TNNT1: variants seen among roughly 807,000 people sequenced by gnomAD.
TNNT1 encodes troponin T1, slow skeletal type.
TNNT1 carries 53 observed loss-of-function variants against 50.6 expected under a neutral mutation model. The ratio of observed to expected loss-of-function variants is 1.05; its 90% CI spans 0.84 to 1.32. The LOEUF is 1.32. TNNT1 is among the 40% of genes most tolerant of loss of function. The pLI is 0.00. For missense variants in TNNT1, 348 were observed against 381.7 expected (o/e 0.91, Z 0.74); for synonymous variants, 142 against 138.0 (o/e 1.03, Z -0.20).
At chr19:55,141,997 C>T (rs1489219792) in intron 6 of TNNT1, 77 bp from the exon 7 acceptor site, 2 of 1,486,428 alleles carry the variant, frequency 1.3e-6, no homozygotes, top group South Asian at 2.3e-5. Context: ...ATGTGCCGTC[C>T]AGTGAGGTAG....
At chr19:55,143,732 C>A (rs1302997334) in intron 6 of TNNT1, among the ~76,000 whole-genome samples, 3 of 152,108 alleles carry the variant, frequency 2.0e-5, no homozygotes, top group African/African-American at 7.2e-5. Flanking sequence ...CTTTCCTTTT[C>A]CCTTTTCTCA....
intron 13 of TNNT1, 191 bp downstream of exon 13, chr19:55,133,696 G>T (rs771134413): frequency 4.8e-6 from 3 of 626,990 alleles, no homozygotes; most frequent in Non-Finnish European, 8.3e-6. Context: ...AAAAAAAAAA[G>T]AAAGAAAAAG....
intron 10 of TNNT1, among the ~76,000 whole-genome samples, chr19:55,137,451 G>A (rs1310656602): frequency 1.0e-4 from 14 of 137,184 alleles, no homozygotes; most frequent in African/African-American, 3.4e-4. Flanking sequence ...AGACCCTCTC[G>A]CATTAGGAAC....
intron 4 of TNNT1, 52 bp from the exon 5 acceptor site, chr19:55,146,518 G>A: frequency 2.5e-6 from 3 of 1,183,390 alleles, no homozygotes; most frequent in South Asian, 2.0e-5. Context: ...GGGGGGAGCG[G>A]CCACGCCCGG....
At chr19:55,143,919 G>T (rs1356849622) in intron 6 of TNNT1, among the ~76,000 whole-genome samples, 1 of 152,052 alleles carries the variant, frequency 6.6e-6, no homozygotes, top group Non-Finnish European at 1.5e-5. Context: ...TCTCTGAGAA[G>T]GAGATGGCAG....
intron 6 of TNNT1, among the ~76,000 whole-genome samples, chr19:55,143,040 G>A (rs1366650661): frequency 1.3e-5 from 2 of 151,882 alleles, no homozygotes; most frequent in African/African-American, 4.8e-5. Flanking sequence ...ATGGTGGTAC[G>A]TGCCTGTAAT....
chr19:55,140,054 C>T lies in TNNT1; in HGVS notation c.387+829G>A, dbSNP rs148807782. Reference sequence around the variant, plus strand: ...CAGGGGAATTGCTTGAACCAGGAGGCGGAGGTTGCAGTGAGCTGAGATCGC... The same window carrying T: ...CAGGGGAATTGCTTGAACCAGGAGGTGGAGGTTGCAGTGAGCTGAGATCGC... On this transcript the variant is annotated intron_variant, in intron 9 of 13. Coordinates refer to ENST00000588981, the MANE Select transcript of TNNT1 (RefSeq NM_003283.6). Among the ~76,000 whole-genome samples the T allele has an allele frequency of 9.5e-4, 144 of 150,808 alleles. 1 individual carries two copies. The highest frequency in any genetic ancestry group is 1.7e-3 in the Non-Finnish European group (117 of 67,854).
In TNNT1 at chr19:55,134,046, C is replaced by T; in HGVS notation, c.750+20G>A. The T allele has an allele frequency of 6.2e-7, 1 of 1,612,896 alleles. No individual in the cohort carries two copies. Among genetic ancestry groups the T allele is most frequent in the South Asian group, 1.1e-5 (1 of 90,868 alleles). On this transcript the variant is annotated intron_variant, in intron 12 of 13. Transcript: ENST00000588981. The stretch of plus-strand genomic sequence containing the variant: ...CAGCCCTGCCCTCTCTCCCTCCCTC[C>T]CTGCGGAGCTGGGTCTCACCTCATA...
At chr19:55,135,456 G>A (rs1228716873) in intron 11 of TNNT1, 2 of 299,540 alleles carry the variant, frequency 6.7e-6, no homozygotes, top group Non-Finnish European at 1.3e-5. Flanking sequence ...CCAGGCTGGA[G>A]TGCAGTGACA....
At chr19:55,135,716 G>A (rs893205967) in intron 11 of TNNT1, among the ~76,000 whole-genome samples, 3 of 151,972 alleles carry the variant, frequency 2.0e-5, no homozygotes, top group East Asian at 1.9e-4. Flanking sequence ...TAGTAGAGAT[G>A]GGATTTCATC....
intron 5 of TNNT1, 94 bp downstream of exon 5, chr19:55,146,340 G>A (rs1353917547): frequency 1.2e-6 from 1 of 866,196 alleles, no homozygotes; most frequent in Non-Finnish European, 1.6e-6. Context: ...GGCGGAGGGA[G>A]GGAAGGGTGG....
intron 3 of TNNT1, 71 bp from the exon 4 acceptor site, chr19:55,146,778 G>T: frequency 7.6e-7 from 1 of 1,308,100 alleles, no homozygotes; most frequent in Non-Finnish European, 1.0e-6. Flanking sequence ...CCAGAGACCA[G>T]GGTTCCAGTC....
Position 55,137,130 on chromosome 19 carries a change from A to G in TNNT1, c.584T>C (p.Ile195Thr), listed in dbSNP as rs781607369. The G allele has an allele frequency of 1.9e-6, 3 of 1,611,754 alleles. No homozygotes were observed. The South Asian group carries it at 3.3e-5, about 18-fold the overall frequency. Residue 195 changes from isoleucine to threonine, a missense_variant, in exon 11 of 14, where the codon ATT becomes ACT. By Grantham distance (89) the Ile-to-Thr change is moderately conservative (BLOSUM62 -1). Around this residue, in one of 3 missense-constraint regions of TNNT1, gnomAD observed 253 missense variants for 291.8 expected, o/e 0.87. Transcript: ENST00000588981. ...GAGCTGTTCCTCCCCCATGTAGTCAATGTCCAGAGGCTTCTTACGCTCGGA... is the reference window on the plus strand; with the variant it reads ...GAGCTGTTCCTCCCCCATGTAGTCAGTGTCCAGAGGCTTCTTACGCTCGGA... The part of the protein sequence containing the change: ...ILSERKKPLD[I>T]DYMGEEQLRA...
intron 11 of TNNT1, 68 bp downstream of exon 11, chr19:55,137,035 G>A: frequency 9.8e-7 from 1 of 1,022,440 alleles, no homozygotes. Context: ...CCAGATCTGG[G>A]TGTGAGCTCC....
In TNNT1 at chr19:55,141,914, G is replaced by C. The variant is rs747556919; in HGVS notation, c.135C>G (p.Pro45=). The C allele has an allele frequency of 7.4e-6, 12 of 1,613,964 alleles. 1 individual carries two copies. The highest frequency in any genetic ancestry group is 5.5e-5 in the South Asian group (5 of 91,072). ...TTGGCGGGATCAAAGGAGGCACCACGGGGCGGCTGAGTGGACAGAAACACA... is the reference window on the plus strand; with the variant it reads ...TTGGCGGGATCAAAGGAGGCACCACCGGGCGGCTGAGTGGACAGAAACACA... ...PEEERPKPSR[P]VVPPLIPPKI... Residue 45 remains proline, a synonymous_variant, in exon 7 of 14, where the codon CCC becomes CCG. Transcript: ENST00000588981.
intron 9 of TNNT1, 140 bp from the exon 10 acceptor site, chr19:55,138,214 C>T: frequency 2.1e-6 from 3 of 1,457,166 alleles, no homozygotes; most frequent in Non-Finnish European, 2.8e-6. Context: ...AGCAGAAACG[C>T]AGGGGTACCC....
chr19:55,137,906 C>A, intron 10 of TNNT1, 55 bp downstream of exon 10: 1 of 1,606,120 alleles, frequency 6.2e-7, no homozygotes, highest in Non-Finnish European at 8.5e-7. Context: ...GAGGTCTGGC[C>A]CCCAGCCCCT....
At position 55,136,999 on chromosome 19, in the gene TNNT1, A is replaced by C. The variant is rs1041088770; in HGVS notation, c.611+104T>G. On this transcript the variant is annotated intron_variant, in intron 11 of 13. Coordinates refer to ENST00000588981, the MANE Select transcript of TNNT1 (RefSeq NM_003283.6). ...CTTGCCCAAAGTCACATAGCACTGG[A>C]GCTGAGACCCGGAGTATCTGCCCAC... 1.5e-5 allele frequency: 11 copies of C among 721,678 alleles called. No homozygotes were observed. The Admixed American group carries it at 1.7e-4, about 11-fold the overall frequency. 44.7% of individuals were successfully genotyped at this position (721,678 alleles called of 1,614,324 possible). A position where few individuals can be genotyped will look rare whatever the true frequency, so the allele number is the denominator to read the frequency against.
intron 1 of TNNT1, among the ~76,000 whole-genome samples, chr19:55,147,556 GCT>G (rs2085593482): frequency 6.8e-6 from 1 of 147,382 alleles, no homozygotes; most frequent in Non-Finnish European, 1.5e-5. Flanking sequence ...GGGAGGAGGG[GCT>G]GGGGGCCGGA....
Sources: allele counts gnomAD v4.1 joint callset (sites outside exome capture counted in the v4.1 genomes callset), GRCh38; gene constraint gnomAD v4.1.1; regional missense constraint gnomAD v4.1.1; transcripts MANE v1.5; gene names NCBI Gene and HGNC (gene_info 2026-07-23, HGNC 2026-07-21).